ZNF804A: variants seen among roughly 807,000 people sequenced by gnomAD.
The protein encoded by ZNF804A is zinc finger protein 804A.
In ZNF804A, 2 loss-of-function variants were observed where a neutral mutation model predicts 16.5. The ratio of observed to expected loss-of-function variants is 0.12; its 90% CI spans 0.05 to 0.38. The LOEUF is 0.38. Among genes scored for constraint, ZNF804A ranks in the 10% least tolerant of loss-of-function variants. ZNF804A has a pLI of 0.99. For missense variants in ZNF804A, 1,473 were observed against 1,390.7 expected (o/e 1.06, Z -0.94); for synonymous variants, 534 against 489.6 (o/e 1.09, Z -1.20).
intron 1 of ZNF804A, among the ~76,000 whole-genome samples, chr2:184,708,844 G>A (rs1429625331): frequency 6.6e-6 from 1 of 151,912 alleles, no homozygotes; most frequent in Non-Finnish European, 1.5e-5. Context: ...ACATCTCAAG[G>A]ATTTCCCACT....
Position 184,936,511 on chromosome 2 carries a change from T to G in ZNF804A, c.1115T>G (p.Val372Gly). The part of the protein sequence containing the change: ...VLDMSNDCIS[V>G]QATTEENVKH... ...GACATGTCTAATGATTGCATATCTG[T>G]GCAAGCTACCACAGAGGAAAATGTT... The change falls in exon 4 of 4, where the codon GTG (valine) becomes GGG (glycine). Residue 372 changes from valine to glycine, a missense_variant. Transcript: ENST00000302277. The G allele has an allele frequency of 6.2e-7, 1 of 1,613,960 alleles. No individual in the cohort carries two copies. Among genetic ancestry groups the G allele is most frequent in the Non-Finnish European group, 8.5e-7 (1 of 1,179,960 alleles).
intron 2 of ZNF804A, among the ~76,000 whole-genome samples, chr2:184,897,446 A>AT (rs1361126470): frequency 6.9e-6 from 1 of 145,786 alleles, no homozygotes; most frequent in Non-Finnish European, 1.5e-5. Context: ...CCATACAGCA[A>AT]TTTTTTCCCC....
chr2:184,819,603 A>G (rs563865361), intron 1 of ZNF804A, among the ~76,000 whole-genome samples: 1 of 152,072 alleles, frequency 6.6e-6, no homozygotes, highest in Non-Finnish European at 1.5e-5. Context: ...GACACGAAGA[A>G]CCCTTCAAAA....
chr2:184,755,285 C>T (rs1009289325), intron 1 of ZNF804A, among the ~76,000 whole-genome samples: 1 of 151,842 alleles, frequency 6.6e-6, no homozygotes, highest in African/African-American at 2.4e-5. Context: ...TAAGGCTTCT[C>T]CTTTGGACGT....
intron 1 of ZNF804A, among the ~76,000 whole-genome samples, chr2:184,755,292 A>T (rs1693942217): frequency 6.6e-6 from 1 of 151,876 alleles, no homozygotes; most frequent in Non-Finnish European, 1.5e-5. Flanking sequence ...TCTCCTTTGG[A>T]CGTAGAGTCA....
intron 1 of ZNF804A, among the ~76,000 whole-genome samples, chr2:184,730,208 T>A (rs1693490033): frequency 6.6e-6 from 1 of 152,142 alleles, no homozygotes; most frequent in African/African-American, 2.4e-5. Context: ...TTGGTTACCA[T>A]TTTTTAACAG....
At chr2:184,807,779 A>G (rs1305411224) in intron 1 of ZNF804A, among the ~76,000 whole-genome samples, 1 of 151,748 alleles carries the variant, frequency 6.6e-6, no homozygotes, top group East Asian at 1.9e-4. Flanking sequence ...AGTTTCCAAT[A>G]CAGCAGTATA....
chr2:184,811,248 C>T (rs185757443), intron 1 of ZNF804A, among the ~76,000 whole-genome samples: 1 of 152,244 alleles, frequency 6.6e-6, no homozygotes, highest in East Asian at 1.9e-4. Context: ...ACATAAACAC[C>T]AGCTGTAGTG....
In ZNF804A at chr2:184,937,891, C is replaced by T. The variant is rs1364798607; in HGVS notation, c.2495C>T (p.Thr832Ile). The T allele has an allele frequency of 6.2e-6, 10 of 1,614,050 alleles. No homozygotes were observed. Among genetic ancestry groups the T allele is most frequent in the South Asian group, 1.1e-5 (1 of 91,070 alleles). The stretch of plus-strand genomic sequence containing the variant: ...GAAACTTTAGAACTCAAAGAAAATA[C>T]AGATTATCCCGTGAAAGACAATTCT... ...GFETLELKENTDYPVKDNSSL... is the reference protein window; with the variant it reads ...GFETLELKENIDYPVKDNSSL... The change falls in exon 4 of 4, where the codon ACA (threonine) becomes ATA (isoleucine). Residue 832 changes from threonine to isoleucine, a missense_variant. Thr to Ile is a moderately conservative substitution (Grantham distance 89). Transcript: ENST00000302277.
intron 1 of ZNF804A, among the ~76,000 whole-genome samples, chr2:184,760,171 A>G (rs1283925589): frequency 6.6e-6 from 1 of 152,070 alleles, no homozygotes; most frequent in Non-Finnish European, 1.5e-5. Context: ...GTATACATGC[A>G]TGTCACAGGG....
intron 1 of ZNF804A, among the ~76,000 whole-genome samples, chr2:184,676,826 G>C (rs137861916): frequency 1.1e-4 from 16 of 151,512 alleles, no homozygotes; most frequent in Admixed American, 9.2e-4. Context: ...TTCTGAAGTG[G>C]ACTATGTTCA....
intron 2 of ZNF804A, among the ~76,000 whole-genome samples, chr2:184,871,831 G>A (rs1347707464): frequency 6.6e-6 from 1 of 151,872 alleles, no homozygotes; most frequent in African/African-American, 2.4e-5. Flanking sequence ...AAATAAAGTA[G>A]GAAATGAAAG....
chr2:184,712,983 T>C (rs916827458), intron 1 of ZNF804A, among the ~76,000 whole-genome samples: 7 of 151,834 alleles, frequency 4.6e-5, no homozygotes, highest in African/African-American at 1.7e-4. Context: ...AACAATTATA[T>C]TGAGCGTTTA....
intron 1 of ZNF804A, among the ~76,000 whole-genome samples, chr2:184,770,367 G>T (rs892581920): frequency 6.6e-6 from 1 of 151,950 alleles, no homozygotes; most frequent in Non-Finnish European, 1.5e-5. Flanking sequence ...AGTAGAATGT[G>T]TTATAACGTT....
chr2:184,919,162 A>C (rs1685494424), intron 2 of ZNF804A, among the ~76,000 whole-genome samples: 1 of 152,194 alleles, frequency 6.6e-6, no homozygotes. Flanking sequence ...TAGTTTTGTG[A>C]GAATCATTGA....
intron 2 of ZNF804A, among the ~76,000 whole-genome samples, chr2:184,880,242 A>T (rs1684787839): frequency 6.6e-6 from 1 of 152,108 alleles, no homozygotes. Context: ...TTTCAAAAAA[A>T]ATTAAGAATG....
intron 2 of ZNF804A, among the ~76,000 whole-genome samples, chr2:184,912,186 AT>A (rs977493698): frequency 7.2e-5 from 11 of 151,916 alleles, no homozygotes; most frequent in African/African-American, 2.7e-4. Flanking sequence ...GTGACCAATA[AT>A]TTTTCTGTCT....
chr2:184,678,259 TAGTC>T (rs1692473838), intron 1 of ZNF804A, among the ~76,000 whole-genome samples: 2 of 152,126 alleles, frequency 1.3e-5, no homozygotes, highest in Admixed American at 6.5e-5. Context: ...AATTTTGAAG[TAGTC>T]AGCTAATCAT....
At chr2:184,807,906 ATAT>A (rs1386636589) in intron 1 of ZNF804A, among the ~76,000 whole-genome samples, 1 of 151,746 alleles carries the variant, frequency 6.6e-6, no homozygotes, top group Non-Finnish European at 1.5e-5. Context: ...CTTGTATCCA[ATAT>A]TCTATTTAGA....
Sources: gnomAD v4.1 joint callset for allele counts (sites outside exome capture counted in the v4.1 genomes callset) on GRCh38, gnomAD v4.1.1 for gene constraint, MANE v1.5 for transcripts, NCBI Gene and HGNC (gene_info 2026-07-23, HGNC 2026-07-21) for gene names.